Variants in PRKG1 observed in about 807,000 individuals in gnomAD.
PRKG1 encodes protein kinase cGMP-dependent 1.
A neutral mutation model predicts 88.1 loss-of-function variants in PRKG1; 35 were observed. That is an observed-to-expected ratio of 0.40 (90% CI 0.30 to 0.53). PRKG1 has a LOEUF of 0.53. Ranked by LOEUF, PRKG1 falls within the 20% of genes least tolerant of loss-of-function variation. PRKG1 has a pLI of 0.59. For synonymous variants in PRKG1, 303 were observed against 292.5 expected (o/e 1.04, Z -0.37); for missense variants, 540 against 839.8 (o/e 0.64, Z 4.41).
chr10:52,093,125 T>G (rs1024878190), intron 7 of PRKG1, among the ~76,000 whole-genome samples: 4 of 152,172 alleles, frequency 2.6e-5, no homozygotes, highest in Non-Finnish European at 5.9e-5. Context: ...CTGTTAGGGT[T>G]TCCTGGCACT....
rs780637601 is a variant in PRKG1, at chr10:51,451,543, C to A, written c.479-16180C>A. 9.9e-5 allele frequency among the ~76,000 whole-genome samples: 15 copies of A among 152,042 alleles called. 1 individual carries two copies. The highest frequency in any genetic ancestry group is 2.6e-4 in the Admixed American group (4 of 15,246). On this transcript the variant is annotated intron_variant, in intron 2 of 17. Coordinates refer to ENST00000373980, the MANE Select transcript of PRKG1 (RefSeq NM_006258.4). ...GATCTGTATTCATGGAAATACTAGACACACATAGCTAGCAATATGAATTTG... is the reference window on the plus strand; with the variant it reads ...GATCTGTATTCATGGAAATACTAGAAACACATAGCTAGCAATATGAATTTG...
At chr10:51,130,630 A>C (rs909283036) in intron 1 of PRKG1, among the ~76,000 whole-genome samples, 45 of 152,118 alleles carry the variant, frequency 3.0e-4, no homozygotes, top group Non-Finnish European at 5.0e-4. Flanking sequence ...TGAACAATAA[A>C]ATATAAAAAG....
chr10:51,453,780 C>A (rs1839504922), intron 2 of PRKG1, among the ~76,000 whole-genome samples: 2 of 151,896 alleles, frequency 1.3e-5, no homozygotes, highest in South Asian at 4.2e-4. Flanking sequence ...TAAAGGGCAT[C>A]CAAATTGGTA....
intron 8 of PRKG1, among the ~76,000 whole-genome samples, chr10:52,148,504 T>G (rs531008012): frequency 4.0e-5 from 6 of 151,856 alleles, no homozygotes; most frequent in African/African-American, 1.4e-4. Flanking sequence ...GAAAACAAAT[T>G]TAATATATTG....
At chr10:52,060,265 A>G (rs542223649) in intron 6 of PRKG1, among the ~76,000 whole-genome samples, 9 of 152,082 alleles carry the variant, frequency 5.9e-5, no homozygotes, top group African/African-American at 2.2e-4. Flanking sequence ...TCAGATGTAA[A>G]TGTGAAAAGA....
At chr10:51,710,628 G>A (rs141949649) in intron 3 of PRKG1, among the ~76,000 whole-genome samples, 17 of 152,264 alleles carry the variant, frequency 1.1e-4, no homozygotes, top group African/African-American at 3.8e-4. Flanking sequence ...ACCTTAAAGC[G>A]TAATTTCTTG....
At chr10:52,043,966 C>T (rs1378353873) in intron 5 of PRKG1, among the ~76,000 whole-genome samples, 2 of 150,358 alleles carry the variant, frequency 1.3e-5, no homozygotes, top group Admixed American at 6.6e-5. Flanking sequence ...CCAGGTTATC[C>T]CTTTCTTTGT....
At chr10:51,049,583 C>T (rs963012996) in intron 1 of PRKG1, among the ~76,000 whole-genome samples, 14 of 152,108 alleles carry the variant, frequency 9.2e-5, no homozygotes, top group Admixed American at 3.3e-4. Flanking sequence ...GGCACAGTTG[C>T]CTGCTAGGTT....
At chr10:51,948,589 T>C (rs1286014531) in intron 5 of PRKG1, among the ~76,000 whole-genome samples, 1 of 151,972 alleles carries the variant, frequency 6.6e-6, no homozygotes, top group African/African-American at 2.4e-5. Flanking sequence ...TTTAAAAGAA[T>C]ACATATACTG....
intron 3 of PRKG1, among the ~76,000 whole-genome samples, chr10:51,508,434 A>G (rs1249284795): frequency 2.0e-5 from 3 of 152,194 alleles, no homozygotes; most frequent in African/African-American, 7.2e-5. Flanking sequence ...ATTAATGACA[A>G]ACTATCAAGG....
chr10:51,272,303 A>G (rs1488281771), intron 2 of PRKG1, among the ~76,000 whole-genome samples: 5 of 152,050 alleles, frequency 3.3e-5, no homozygotes, highest in Admixed American at 2.6e-4. Flanking sequence ...TTCATGTTGA[A>G]CAATGAGAAC....
Position 52,251,681 on chromosome 10 carries a change from T to C in PRKG1, c.1173+15T>C. 6.3e-7 allele frequency: 1 copy of C among 1,589,760 alleles called. No homozygotes were observed. Among genetic ancestry groups the C allele is most frequent in the African/African-American group, 1.3e-5 (1 of 74,442 alleles). ...GAGTAGAACTGGTAGGTGATTGTTC[T>C]TTAAATGCTTTTGATCGCCTCTGCT... On this transcript the variant is annotated intron_variant, in intron 10 of 17. Transcript: ENST00000373980.
chr10:51,496,047 A>C (rs142146083), intron 3 of PRKG1, among the ~76,000 whole-genome samples: 1 of 152,348 alleles, frequency 6.6e-6, no homozygotes, highest in Admixed American at 6.5e-5. Context: ...TATACTGTAG[A>C]GTATCCAGTA....
intron 5 of PRKG1, among the ~76,000 whole-genome samples, chr10:51,947,160 G>A (rs896798648): frequency 1.5e-4 from 23 of 151,120 alleles, no homozygotes; most frequent in Non-Finnish European, 2.9e-4. Context: ...AGCAAGCCTG[G>A]GCAATGGCAG....
At chr10:51,142,812 A>G (rs1845850429) in intron 1 of PRKG1, among the ~76,000 whole-genome samples, 1 of 152,116 alleles carries the variant, frequency 6.6e-6, no homozygotes. Flanking sequence ...CTATGTAGAT[A>G]AAAGTCATAT....
intron 5 of PRKG1, among the ~76,000 whole-genome samples, chr10:51,953,110 T>C (rs1843223390): frequency 6.6e-6 from 1 of 152,210 alleles, no homozygotes; most frequent in South Asian, 2.1e-4. Flanking sequence ...GAGTTTATTT[T>C]CTCCTCCTGT....
intron 2 of PRKG1, among the ~76,000 whole-genome samples, chr10:51,352,889 C>T (rs1201822759): frequency 6.6e-6 from 1 of 152,064 alleles, no homozygotes; most frequent in Non-Finnish European, 1.5e-5. Flanking sequence ...ACTAACACAT[C>T]ATGGTACTGG....
intron 3 of PRKG1, among the ~76,000 whole-genome samples, chr10:51,648,727 T>C (rs1260132473): frequency 6.6e-6 from 1 of 152,184 alleles, no homozygotes; most frequent in Non-Finnish European, 1.5e-5. Flanking sequence ...ACGTTTAATA[T>C]TCAATTACGG....
intron 5 of PRKG1, among the ~76,000 whole-genome samples, chr10:52,054,097 T>G (rs1846051973): frequency 6.6e-6 from 1 of 152,130 alleles, no homozygotes; most frequent in Non-Finnish European, 1.5e-5. Flanking sequence ...GAAAAGAATA[T>G]TTTCATCAAA....
Sources: allele counts gnomAD v4.1 joint callset (sites outside exome capture counted in the v4.1 genomes callset), GRCh38; gene constraint gnomAD v4.1.1; transcripts MANE v1.5; gene names NCBI Gene and HGNC (gene_info 2026-07-23, HGNC 2026-07-21).